Variants in TANGO6 observed in about 807,000 individuals in gnomAD.
The protein encoded by TANGO6 is transport and Golgi organization protein 6 homolog.
In TANGO6, 90 loss-of-function variants were observed where a neutral mutation model predicts 114.2. That is an observed-to-expected ratio of 0.79 (90% CI 0.66 to 0.94). TANGO6 has a LOEUF of 0.94. Ranked by LOEUF, TANGO6 falls within the 40% of genes least tolerant of loss-of-function variation. The pLI is 0.00. For missense variants in TANGO6, 1,274 were observed against 1,315.3 expected (o/e 0.97, Z 0.49); for synonymous variants, 477 against 509.8 (o/e 0.94, Z 0.87).
At position 68,993,095 on chromosome 16, in the gene TANGO6, A is replaced by T. The variant is rs546773163; in HGVS notation, c.2842+18927A>T. ...AAAAAAAAGAAAAGAAAAAAGAAAA[A>T]TCTTATCTTTTATAATTAGATCTCT... On this transcript the variant is annotated intron_variant, in intron 15 of 17. Transcript: ENST00000261778. Among the ~76,000 whole-genome samples, 23 of 152,136 alleles carry T rather than the reference A, an allele frequency of 1.5e-4. No homozygotes were observed. The South Asian group carries it at 3.9e-3, about 26-fold the overall frequency.
At chr16:68,897,332 G>T (rs1277784606) in intron 7 of TANGO6, among the ~76,000 whole-genome samples, 1 of 151,912 alleles carries the variant, frequency 6.6e-6, no homozygotes, top group African/African-American at 2.4e-5. Flanking sequence ...GTTGTTTCTT[G>T]CCTGCCTCCT....
intron 15 of TANGO6, among the ~76,000 whole-genome samples, chr16:69,004,572 T>C (rs1046765916): frequency 6.6e-6 from 1 of 152,100 alleles, no homozygotes; most frequent in East Asian, 1.9e-4. Context: ...GTCAGGCTGG[T>C]CTCAAACTCC....
At chr16:69,025,596 G>C (rs964402584) in intron 16 of TANGO6, among the ~76,000 whole-genome samples, 2 of 152,236 alleles carry the variant, frequency 1.3e-5, no homozygotes. Flanking sequence ...TGCCAAACAG[G>C]AAGACAAGTT....
intron 17 of TANGO6, among the ~76,000 whole-genome samples, chr16:69,076,439 T>A (rs1960380871): frequency 6.6e-6 from 1 of 152,080 alleles, no homozygotes; most frequent in African/African-American, 2.4e-5. Flanking sequence ...TACCTTTGAT[T>A]TACTGATAAG....
chr16:68,849,971 C>CTTTTTTTTTTTTTTTTTTTT (rs560571416), intron 1 of TANGO6, among the ~76,000 whole-genome samples: 1 of 114,862 alleles, frequency 8.7e-6, no homozygotes. Context: ...TCTAGCGGTT[C>CTTTTTTTTTTTTTTTTTTTT]TTTTTTTTTT....
intron 12 of TANGO6, among the ~76,000 whole-genome samples, chr16:68,921,404 G>C (rs1265668095): frequency 6.6e-6 from 1 of 151,504 alleles, no homozygotes; most frequent in African/African-American, 2.4e-5. Context: ...GGCTGGTCTC[G>C]AACCCCTGAC....
intron 1 of TANGO6, among the ~76,000 whole-genome samples, chr16:68,857,257 C>CTCTTCAGACT (rs1243558400): frequency 2.6e-5 from 4 of 152,170 alleles, no homozygotes; most frequent in Non-Finnish European, 5.9e-5. Flanking sequence ...CAGAATACAG[C>CTCTTCAGACT]TCTTCAGACT....
At chr16:69,000,753 G>A (rs914743077) in intron 15 of TANGO6, among the ~76,000 whole-genome samples, 1 of 151,922 alleles carries the variant, frequency 6.6e-6, no homozygotes, top group Non-Finnish European at 1.5e-5. Context: ...CACCACACCT[G>A]GCTACTTTTT....
At chr16:69,046,321 A>ATT (rs573859095) in intron 17 of TANGO6, among the ~76,000 whole-genome samples, 11,309 of 140,908 alleles carry the variant, frequency 0.08, 484 homozygotes, top group Non-Finnish European at 0.11. Flanking sequence ...TCAGAAAAGG[A>ATT]TTTTTTTTTT....
intron 14 of TANGO6, among the ~76,000 whole-genome samples, chr16:68,953,466 A>G (rs1963494464): frequency 6.6e-6 from 1 of 152,228 alleles, no homozygotes; most frequent in Non-Finnish European, 1.5e-5. Context: ...TCTTGCCTTC[A>G]TGGAGTTTAC....
chr16:68,873,664 T>C (rs767377571), intron 4 of TANGO6, among the ~76,000 whole-genome samples: 2 of 152,226 alleles, frequency 1.3e-5, no homozygotes, highest in Admixed American at 6.5e-5. Context: ...ATAAAAATTA[T>C]TCCTTTTTAT....
chr16:68,960,212 T>A (rs1389822655), intron 14 of TANGO6, among the ~76,000 whole-genome samples: 1 of 152,068 alleles, frequency 6.6e-6, no homozygotes, highest in African/African-American at 2.4e-5. Context: ...CGCTGAATGC[T>A]TAGGGCAGTG....
intron 15 of TANGO6, among the ~76,000 whole-genome samples, chr16:69,015,196 G>A (rs1959272523): frequency 1.3e-5 from 2 of 152,178 alleles, no homozygotes; most frequent in Admixed American, 1.3e-4. Context: ...GTATGTGACA[G>A]ATCTAGGCTA....
chr16:68,959,376 C>A (rs1963566232), intron 14 of TANGO6, among the ~76,000 whole-genome samples: 1 of 152,084 alleles, frequency 6.6e-6, no homozygotes, highest in Non-Finnish European at 1.5e-5. Context: ...ATCATGAGGT[C>A]AGGAGTTCGA....
chr16:69,068,434 C>G (rs1338111833), intron 17 of TANGO6, among the ~76,000 whole-genome samples: 2 of 152,110 alleles, frequency 1.3e-5, no homozygotes, highest in Admixed American at 6.5e-5. Context: ...TGAACCTGGG[C>G]AAATTGGAAA....
chr16:68,868,575 G>A (rs973225294), intron 4 of TANGO6, among the ~76,000 whole-genome samples: 47 of 135,934 alleles, frequency 3.5e-4, no homozygotes, highest in African/African-American at 1.3e-3. Flanking sequence ...TTGGCTCATT[G>A]CAACCTCCAC....
intron 14 of TANGO6, among the ~76,000 whole-genome samples, chr16:68,969,133 G>A (rs1009319126): frequency 1.3e-5 from 2 of 152,014 alleles, no homozygotes; most frequent in African/African-American, 4.8e-5. Flanking sequence ...AGTTTCCTAC[G>A]GTCAGAGCAG....
At chr16:68,860,623 T>G in intron 2 of TANGO6, 99 bp downstream of exon 2, 2 of 1,419,188 alleles carry the variant, frequency 1.4e-6, no homozygotes, top group Non-Finnish European at 1.9e-6. Flanking sequence ...TCTTAGTTCT[T>G]CAGAACTGGA....
At chr16:69,081,268 C>T (rs2152245600) in intron 17 of TANGO6, among the ~76,000 whole-genome samples, 1 of 152,238 alleles carries the variant, frequency 6.6e-6, no homozygotes, top group South Asian at 2.1e-4. Context: ...AGCCCTGGAC[C>T]AGAAGTAACT....
Sources: allele counts gnomAD v4.1 joint callset (sites outside exome capture counted in the v4.1 genomes callset), GRCh38; gene constraint gnomAD v4.1.1; transcripts MANE v1.5; gene names NCBI Gene and HGNC (gene_info 2026-07-23, HGNC 2026-07-21).